The following SPTY2D1 variants were observed in gnomAD, a reference collection of about 807,000 sequenced individuals.
SPTY2D1 encodes protein SPT2 homolog.
In SPTY2D1, 21 loss-of-function variants were observed where a neutral mutation model predicts 64.0. That is an observed-to-expected ratio of 0.33 (90% CI 0.23 to 0.47). The LOEUF is 0.47. SPTY2D1 is among the 20% of genes least tolerant of loss of function. The pLI, the probability that SPTY2D1 is intolerant of heterozygous loss-of-function variation, is 1.00. For missense variants in SPTY2D1, 724 were observed against 837.2 expected (o/e 0.86, Z 1.67); for synonymous variants, 287 against 286.8 (o/e 1.00, Z -0.01).
chr11:18,615,111 C>A lies in SPTY2D1; in HGVS notation c.1163G>T (p.Arg388Leu). The change falls in exon 3 of 6, where the codon CGA (arginine) becomes CTA (leucine). Residue 388 changes from arginine (R) to leucine (L), a missense_variant. This residue lies in a region of SPTY2D1 where 426 missense variants were observed against 431.8 expected (regional missense o/e 0.99). Coordinates refer to ENST00000336349, the MANE Select transcript of SPTY2D1 (RefSeq NM_194285.3). Reference protein sequence around the residue: ...APGQPSTGVARPTVSSGPVPR... With the variant: ...APGQPSTGVALPTVSSGPVPR... ...CACAGGGCCAGAACTAACTGTGGGT[C>A]GAGCAACCCCTGTGCTGGGCTGCCC... 6.2e-7 allele frequency: 1 copy of A among 1,614,172 alleles called. No individual in the cohort carries two copies. The highest frequency in any genetic ancestry group is 8.5e-7 in the Non-Finnish European group (1 of 1,180,038).
At chr11:18,632,151 T>C (rs957711579) in intron 1 of SPTY2D1, among the ~76,000 whole-genome samples, 8 of 150,008 alleles carry the variant, frequency 5.3e-5, no homozygotes, top group African/African-American at 2.0e-4. Flanking sequence ...AGACTCTATC[T>C]TAAAAAAAAA....
At chr11:18,626,908 G>T (rs1854507578) in intron 1 of SPTY2D1, among the ~76,000 whole-genome samples, 1 of 152,102 alleles carries the variant, frequency 6.6e-6, no homozygotes, top group Non-Finnish European at 1.5e-5. Context: ...CTCTAGGCTA[G>T]AAATCCAACA....
intron 1 of SPTY2D1, among the ~76,000 whole-genome samples, chr11:18,619,950 T>G (rs553685014): frequency 2.0e-5 from 3 of 152,272 alleles, no homozygotes; most frequent in African/African-American, 7.2e-5. Context: ...TAACATGATT[T>G]TGGGATAGAT....
At position 18,634,281 on chromosome 11, in the gene SPTY2D1, G is replaced by A. The variant is rs1458273957; in HGVS notation, c.-24C>T. On this transcript the variant is annotated 5_prime_UTR_variant, in exon 1 of 6. Coordinates refer to ENST00000336349, the MANE Select transcript of SPTY2D1 (RefSeq NM_194285.3). Reference sequence around the variant, plus strand: ...ATGTTGGGCCGAGGCGGGAGAGACTGGGCCAGGCACTCGGAAAGGACTGAC... The same window carrying A: ...ATGTTGGGCCGAGGCGGGAGAGACTAGGCCAGGCACTCGGAAAGGACTGAC... 2 of 1,613,632 alleles carry A rather than the reference G, an allele frequency of 1.2e-6. No individual in the cohort carries two copies. The highest frequency in any genetic ancestry group is 1.3e-5 in the African/African-American group (1 of 75,050).
At chr11:18,626,407 T>A (rs1854498234) in intron 1 of SPTY2D1, among the ~76,000 whole-genome samples, 1 of 123,328 alleles carries the variant, frequency 8.1e-6, no homozygotes, top group Admixed American at 1.0e-4. Flanking sequence ...AAGAATGTCA[T>A]TAAAAAACAA....
intron 5 of SPTY2D1, among the ~76,000 whole-genome samples, chr11:18,610,685 AAAAC>A (rs1854189680): frequency 6.6e-6 from 1 of 151,054 alleles, no homozygotes; most frequent in African/African-American, 2.4e-5. Flanking sequence ...AAAAAAAAAA[AAAAC>A]AACAATACTA....
chr11:18,609,759 C>A lies in SPTY2D1; in HGVS notation c.*102G>T. ...AGTATGCATTCCTTCTCCTTGAGTA[C>A]CCAAGTATAAATCTAAAATGATAAG... On this transcript the variant is annotated 3_prime_UTR_variant, in exon 6 of 6. Transcript: ENST00000336349. 1 of 979,282 alleles carries A rather than the reference C, an allele frequency of 1.0e-6. No individual in the cohort carries two copies. Among genetic ancestry groups the A allele is most frequent in the Non-Finnish European group, 1.6e-6 (1 of 639,886 alleles). The allele number at this position is 979,282 out of a possible 1,614,324, so 60.7% of individuals were successfully genotyped here. A position where few individuals can be genotyped will look rare whatever the true frequency, so the allele number is the denominator to read the frequency against.
At chr11:18,618,478 G>T (rs1016790837) in intron 1 of SPTY2D1, among the ~76,000 whole-genome samples, 1 of 152,180 alleles carries the variant, frequency 6.6e-6, no homozygotes, top group East Asian at 1.9e-4. Context: ...CCTATTATGA[G>T]AGAAATATGA....
At chr11:18,633,349 A>C (rs1253563660) in intron 1 of SPTY2D1, among the ~76,000 whole-genome samples, 1 of 152,196 alleles carries the variant, frequency 6.6e-6, no homozygotes, top group Non-Finnish European at 1.5e-5. Context: ...CGCAGGCATC[A>C]CCATGCAACT....
rs10617150 is a variant in SPTY2D1, at chr11:18,631,602, C to CAAAA, written c.60+2592_60+2595dup. Among the ~76,000 whole-genome samples, 163 of 116,312 alleles carry CAAAA rather than the reference C, an allele frequency of 1.4e-3. 2 individuals carry two copies. The highest frequency in any genetic ancestry group is 4.2e-3 in the Middle Eastern group (1 of 236). 76.3% of individuals were successfully genotyped at this position (116,312 alleles called of 152,430 possible). On this transcript the variant is annotated intron_variant, in intron 1 of 5. Coordinates refer to ENST00000336349, the MANE Select transcript of SPTY2D1 (RefSeq NM_194285.3). ...GCTTTATTTCTTTTAAAATAGATAACAAAAAAAAAAAAAAAACCACCAAAC... is the reference window on the plus strand; with the variant it reads ...GCTTTATTTCTTTTAAAATAGATAACAAAAAAAAAAAAAAAAAAAACCACCAAAC...
At chr11:18,623,495 C>T (rs1220146207) in intron 1 of SPTY2D1, among the ~76,000 whole-genome samples, 1 of 152,082 alleles carries the variant, frequency 6.6e-6, no homozygotes, top group Non-Finnish European at 1.5e-5. Flanking sequence ...GCTATAATAC[C>T]CAGTTATTTA....
intron 1 of SPTY2D1, among the ~76,000 whole-genome samples, chr11:18,630,804 G>A (rs546219550): frequency 3.3e-4 from 50 of 152,086 alleles, no homozygotes; most frequent in Non-Finnish European, 6.5e-4. Context: ...GGATGTAGCT[G>A]TCTTTTTTTA....
rs1854121042 is a variant in SPTY2D1 at position 18,607,094 on chromosome 11, C to T, written c.*2767G>A. ...GCCAGGCTGGTCTCGAACTCCTGGT[C>T]TCAAGTGATCCGCCCGCCTCGGCCT... On this transcript the variant is annotated 3_prime_UTR_variant, in exon 6 of 6. Transcript: ENST00000336349. 2 of 195,958 alleles carry T rather than the reference C, an allele frequency of 1.0e-5. No homozygotes were observed. The highest frequency in any genetic ancestry group is 1.3e-4 in the Admixed American group (2 of 15,502). 12.1% of individuals were successfully genotyped at this position (195,958 alleles called of 1,614,324 possible).
chr11:18,628,464 C>A (rs1456030284), intron 1 of SPTY2D1, among the ~76,000 whole-genome samples: 1 of 152,168 alleles, frequency 6.6e-6, no homozygotes, highest in East Asian at 1.9e-4. Flanking sequence ...GCTCCCCTAT[C>A]CCATAGGGGT....
In SPTY2D1 at chr11:18,616,057, G is replaced by C; in HGVS notation, c.217C>G (p.Arg73Gly). Reference protein sequence around the residue: ...KRRKEELVKKRIELKHDKKAR... With the variant: ...KRRKEELVKKGIELKHDKKAR... ...TTCTTGTCATGTTTGAGCTCAATTCGCTTTTTCACTAGTTCCTCTTTTCTC... is the reference window on the plus strand; with the variant it reads ...TTCTTGTCATGTTTGAGCTCAATTCCCTTTTTCACTAGTTCCTCTTTTCTC... The change falls in exon 3 of 6, where the codon CGA becomes GGA. Residue 73 changes from arginine (R) to glycine (G), a missense_variant. By Grantham distance (125) the Arg-to-Gly change is moderately radical. Transcript: ENST00000336349. 2 of 1,612,102 alleles carry C rather than the reference G, an allele frequency of 1.2e-6. No individual in the cohort carries two copies. The highest frequency in any genetic ancestry group is 1.7e-6 in the Non-Finnish European group (2 of 1,179,160).
intron 1 of SPTY2D1, among the ~76,000 whole-genome samples, chr11:18,617,891 G>A (rs985964908): frequency 2.6e-5 from 4 of 152,140 alleles, no homozygotes; most frequent in African/African-American, 4.8e-5. Context: ...GCAGTGAGCC[G>A]AGATTGCGCC....
rs1342288962 is a variant in SPTY2D1 at position 18,627,602 on chromosome 11, GGCACGGTGGCTCAC to G, written c.60+6582_60+6595del. Among the ~76,000 whole-genome samples, 4 of 152,194 alleles carry G rather than the reference GGCACGGTGGCTCAC, an allele frequency of 2.6e-5. No individual in the cohort carries two copies. In the East Asian group the frequency reaches 7.7e-4, roughly 29 times the overall value. ...TACCAAAAAATACAAAAATTAGCCAGGCACGGTGGCTCACGCCTGTAATTCCACCACTTTGGGAG... is the reference window on the plus strand; with the variant it reads ...TACCAAAAAATACAAAAATTAGCCAGGCCTGTAATTCCACCACTTTGGGAG... On this transcript the variant is annotated intron_variant, in intron 1 of 5. Transcript: ENST00000336349.
chr11:18,620,903 T>A (rs1046579449), intron 1 of SPTY2D1, among the ~76,000 whole-genome samples: 8 of 137,944 alleles, frequency 5.8e-5, no homozygotes, highest in South Asian at 4.7e-4. Context: ...AAAAAAAAAA[T>A]ACTATTAAAA....
rs1419779813 is a variant in SPTY2D1 at position 18,614,785 on chromosome 11, T to C, written c.1489A>G (p.Ser497Gly). 2 of 1,612,886 alleles carry C rather than the reference T, an allele frequency of 1.2e-6. No individual in the cohort carries two copies. The highest frequency in any genetic ancestry group is 1.7e-6 in the Non-Finnish European group (2 of 1,179,190). Residue 497 changes from serine (S) to glycine (G), a missense_variant, in exon 3 of 6, where the codon AGT becomes GGT. By Grantham distance (56) the Ser-to-Gly change is moderately conservative (BLOSUM62 0). Transcript: ENST00000336349. ...GTCCGTCCAGCTGGAATTGAGCCACTTATGGATCTCCCAGGGCCACTGACA... is the reference window on the plus strand; with the variant it reads ...GTCCGTCCAGCTGGAATTGAGCCACCTATGGATCTCCCAGGGCCACTGACA... ...RSVSGPGRSI[S>G]GSIPAGRTVS...
Sources: allele counts gnomAD v4.1 joint callset (sites outside exome capture counted in the v4.1 genomes callset), GRCh38; gene constraint gnomAD v4.1.1; regional missense constraint gnomAD v4.1.1; transcripts MANE v1.5; gene names NCBI Gene and HGNC (gene_info 2026-07-23, HGNC 2026-07-21).